The following COL22A1 variants were observed in gnomAD, a reference collection of about 807,000 sequenced individuals.
The protein encoded by COL22A1 is collagen type XXII alpha 1 chain, also known as collagen alpha-1(XXII) chain.
A neutral mutation model predicts 248.9 loss-of-function variants in COL22A1; 221 were observed. That is an observed-to-expected ratio of 0.89 (90% CI 0.80 to 0.99). The LOEUF (loss-of-function observed/expected upper bound fraction) is 0.99. Ranked by LOEUF, COL22A1 falls within the 50% of genes least tolerant of loss-of-function variation. The pLI is 0.00. For synonymous variants in COL22A1, 891 were observed against 793.4 expected (o/e 1.12, Z -2.07); for missense variants, 2,240 against 2,179.0 (o/e 1.03, Z -0.56).
chr8:138,772,139 A>T (rs1465644661), intron 16 of COL22A1, among the ~76,000 whole-genome samples: 1 of 151,710 alleles, frequency 6.6e-6, no homozygotes, highest in Non-Finnish European at 1.5e-5. Context: ...CCCATTCCAC[A>T]CCTGTGAGGG....
chr8:138,629,491 G>A (rs1311179252), intron 50 of COL22A1, among the ~76,000 whole-genome samples: 1 of 152,152 alleles, frequency 6.6e-6, no homozygotes, highest in Non-Finnish European at 1.5e-5. Flanking sequence ...GGGACTTCTA[G>A]ATGGGCGGCT....
chr8:138,711,389 A>C (rs1309752366), intron 30 of COL22A1, among the ~76,000 whole-genome samples: 2 of 152,244 alleles, frequency 1.3e-5, no homozygotes, highest in African/African-American at 4.8e-5. Flanking sequence ...GTCAATTATC[A>C]CATATTTCTC....
chr8:138,870,998 G>A (rs1823296407), intron 3 of COL22A1, among the ~76,000 whole-genome samples: 1 of 152,012 alleles, frequency 6.6e-6, no homozygotes. Context: ...GCCAGGCAGA[G>A]GGATGTGGGG....
intron 53 of COL22A1, among the ~76,000 whole-genome samples, chr8:138,619,183 C>A (rs1819562029): frequency 6.6e-6 from 1 of 152,082 alleles, no homozygotes; most frequent in Non-Finnish European, 1.5e-5. Context: ...GTTCTATTAT[C>A]CAGAGAAAAC....
At chr8:138,638,597 T>C (rs1305705439) in intron 47 of COL22A1, among the ~76,000 whole-genome samples, 3 of 152,164 alleles carry the variant, frequency 2.0e-5, no homozygotes, top group Non-Finnish European at 2.9e-5. Context: ...GGTGAGCTCA[T>C]ATCTGTGAAG....
intron 30 of COL22A1, among the ~76,000 whole-genome samples, chr8:138,711,285 G>T (rs767915481): frequency 1.3e-5 from 2 of 152,236 alleles, no homozygotes; most frequent in Non-Finnish European, 2.9e-5. Flanking sequence ...AACAGGGGAC[G>T]TGAAGGGAGA....
At chr8:138,869,526 G>A (rs996408373) in intron 3 of COL22A1, among the ~76,000 whole-genome samples, 5 of 152,086 alleles carry the variant, frequency 3.3e-5, no homozygotes, top group Admixed American at 1.3e-4. Flanking sequence ...CGGTTCCAGG[G>A]GTCATCTCCA....
At chr8:138,900,886 G>GTAT (rs907814086) in intron 1 of COL22A1, among the ~76,000 whole-genome samples, 13 of 152,296 alleles carry the variant, frequency 8.5e-5, no homozygotes, top group African/African-American at 3.1e-4. Context: ...GTTTTAGAGA[G>GTAT]TAATAGTTGA....
chr8:138,786,262 G>T (rs1815505406), intron 12 of COL22A1, among the ~76,000 whole-genome samples: 1 of 152,176 alleles, frequency 6.6e-6, no homozygotes, highest in Non-Finnish European at 1.5e-5. Flanking sequence ...TCTAAGAAGA[G>T]AACTAGAGGT....
At chr8:138,830,539 G>A (rs1819961892) in intron 5 of COL22A1, among the ~76,000 whole-genome samples, 1 of 152,114 alleles carries the variant, frequency 6.6e-6, no homozygotes, top group South Asian at 2.1e-4. Flanking sequence ...TAAAAAAAAT[G>A]TGGAAATTCC....
At chr8:138,740,509 A>G (rs1300425804) in intron 22 of COL22A1, among the ~76,000 whole-genome samples, 2 of 152,166 alleles carry the variant, frequency 1.3e-5, no homozygotes, top group East Asian at 1.9e-4. Flanking sequence ...TAACAACGTT[A>G]CTCATGCTCA....
chr8:138,892,553 T>G (rs1825141143), intron 1 of COL22A1, among the ~76,000 whole-genome samples: 1 of 152,090 alleles, frequency 6.6e-6, no homozygotes, highest in Admixed American at 6.5e-5. Flanking sequence ...CACCCAGCCC[T>G]GAGCTGTTTT....
chr8:138,737,409 G>T, intron 23 of COL22A1, 115 bp downstream of exon 23: 3 of 752,324 alleles, frequency 4.0e-6, no homozygotes, highest in South Asian at 1.5e-5. Flanking sequence ...CTTTTTAATA[G>T]TTTGATGAGG....
At position 138,676,462 on chromosome 8, in the gene COL22A1, A is replaced by AAGG. The variant is rs1587837312; in HGVS notation, c.3150+95_3150+96insCCT. On this transcript the variant is annotated intron_variant, in intron 41 of 64. Transcript: ENST00000303045. ...GAAAGAAAGAAAGAAAGAAAGGAAG[A>AAGG]AAGAAAGAAAGAAAAGAGTGTTTCT... 1.2e-4 allele frequency: 73 copies of AAGG among 605,946 alleles called. 1 individual carries two copies. The East Asian group carries it at 1.8e-3, about 15-fold the overall frequency. 37.5% of individuals were successfully genotyped at this position (605,946 alleles called of 1,614,324 possible).
intron 3 of COL22A1, among the ~76,000 whole-genome samples, chr8:138,868,659 A>C (rs1349087702): frequency 2.0e-5 from 3 of 152,150 alleles, no homozygotes; most frequent in Non-Finnish European, 4.4e-5. Flanking sequence ...CCATCACTGT[A>C]TCAAGAGTTC....
chr8:138,709,959 C>A (rs976371874), intron 30 of COL22A1, among the ~76,000 whole-genome samples: 1 of 152,160 alleles, frequency 6.6e-6, no homozygotes, highest in Non-Finnish European at 1.5e-5. Flanking sequence ...TGCCAGCAGG[C>A]CCTGCCCCAC....
chr8:138,770,450 C>T (rs1834267605), intron 16 of COL22A1, among the ~76,000 whole-genome samples: 1 of 152,174 alleles, frequency 6.6e-6, no homozygotes, highest in African/African-American at 2.4e-5. Flanking sequence ...TCTGGTAAAC[C>T]CCCAGATGAA....
At chr8:138,882,711 C>T (rs549931673) in intron 2 of COL22A1, among the ~76,000 whole-genome samples, 1 of 151,852 alleles carries the variant, frequency 6.6e-6, no homozygotes, top group African/African-American at 2.4e-5. Context: ...CAAACACACA[C>T]TCCCTCACAC....
At chr8:138,823,907 A>T (rs567055271) in intron 6 of COL22A1, among the ~76,000 whole-genome samples, 6 of 152,320 alleles carry the variant, frequency 3.9e-5, no homozygotes, top group Admixed American at 1.3e-4. Context: ...GGAATGAACA[A>T]ATGAATAAGA....
Sources: allele counts gnomAD v4.1 joint callset (sites outside exome capture counted in the v4.1 genomes callset), GRCh38; gene constraint gnomAD v4.1.1; transcripts MANE v1.5; gene names NCBI Gene and HGNC (gene_info 2026-07-23, HGNC 2026-07-21).